Variants in NFIB observed in about 807,000 individuals in gnomAD.
The protein encoded by NFIB is nuclear factor I B, also known as nuclear factor 1 B-type.
In NFIB, 11 loss-of-function variants were observed where a neutral mutation model predicts 61.5. That is an observed-to-expected ratio of 0.18 (90% CI 0.11 to 0.30). The LOEUF (loss-of-function observed/expected upper bound fraction) is 0.30. Among genes scored for constraint, NFIB ranks in the 10% least tolerant of loss-of-function variants. The probability of loss-of-function intolerance (pLI) is 1.00; values close to 1 mark genes in which losing one functional copy is unlikely to be tolerated. For missense variants in NFIB, 471 were observed against 608.9 expected (o/e 0.77, Z 2.38); for synonymous variants, 260 against 216.5 (o/e 1.20, Z -1.76).
At chr9:14,149,295 T>C (rs73411938) in intron 5 of NFIB, among the ~76,000 whole-genome samples, 3,526 of 152,308 alleles carry the variant, frequency 0.023, 120 homozygotes, top group African/African-American at 0.079. Flanking sequence ...CTACTGAGAA[T>C]ACTTTAGAAA....
At chr9:14,421,642 T>C in the NFIB span, among the ~76,000 whole-genome samples, 3 of 152,190 alleles carry the variant, frequency 2.0e-5, no homozygotes, top group African/African-American at 7.2e-5. Flanking sequence ...TACAAACCAA[T>C]GGACAGAGGA....
intron 1 of NFIB, among the ~76,000 whole-genome samples, chr9:14,322,652 A>G (rs866590591): frequency 1.6e-4 from 24 of 151,188 alleles, no homozygotes; most frequent in South Asian, 6.3e-4. Flanking sequence ...TGGCGGCGGG[A>G]AGGAAACCGA....
the NFIB span, among the ~76,000 whole-genome samples, chr9:14,499,048 ACGTGTGTGTG>A: frequency 2.0e-5 from 3 of 151,112 alleles, no homozygotes; most frequent in African/African-American, 4.9e-5. Flanking sequence ...GCACGTGTGT[ACGTGTGTGTG>A]CGTGTGTGGG....
the NFIB span, among the ~76,000 whole-genome samples, chr9:14,480,581 C>T: frequency 1.3e-5 from 2 of 152,098 alleles, no homozygotes; most frequent in African/African-American, 4.8e-5. Flanking sequence ...GTTAATGAGC[C>T]CCACAAGTTC....
rs145610221 is a variant in NFIB, at chr9:14,190,344, T to G, written c.563-10564A>C. 3.1e-3 allele frequency among the ~76,000 whole-genome samples: 470 copies of G among 152,272 alleles called. 5 individuals are homozygous for G. The highest frequency in any genetic ancestry group is 2.9e-3 in the Non-Finnish European group (200 of 68,026). On this transcript the variant is annotated intron_variant, in intron 2 of 10. Transcript: ENST00000380953. ...AGAGTAAGATGATGCATAGCCTACT[T>G]TCTACAAAGGTAAAGTAGATTTGTA...
At position 14,289,247 on chromosome 9, in the gene NFIB, C is replaced by T. The variant is rs1307409222; in HGVS notation, c.562+17742G>A. Among the ~76,000 whole-genome samples, 11 of 150,164 alleles carry T rather than the reference C, an allele frequency of 7.3e-5. 1 individual carries two copies. The highest frequency in any genetic ancestry group is 1.6e-4 in the Non-Finnish European group (11 of 67,576). Reference sequence around the variant, plus strand: ...AAATACACATATATATATGCATACACATACACACACACACATATACATGTA... The same window carrying T: ...AAATACACATATATATATGCATACATATACACACACACACATATACATGTA... On this transcript the variant is annotated intron_variant, in intron 2 of 10. Transcript: ENST00000380953.
chr9:14,107,657 T>C (rs759121565), intron 10 of NFIB, among the ~76,000 whole-genome samples: 3 of 152,122 alleles, frequency 2.0e-5, no homozygotes, highest in Non-Finnish European at 2.9e-5. Flanking sequence ...AAATGCCCTG[T>C]CACATCAACA....
intron 2 of NFIB, among the ~76,000 whole-genome samples, chr9:14,274,866 G>T (rs568651216): frequency 6.6e-6 from 1 of 152,202 alleles, no homozygotes; most frequent in Admixed American, 6.5e-5. Flanking sequence ...AGGTGGTGGA[G>T]TTCTGTTTGC....
intron 2 of NFIB, among the ~76,000 whole-genome samples, chr9:14,235,802 G>C (rs753021582): frequency 7.2e-5 from 11 of 152,160 alleles, no homozygotes; most frequent in African/African-American, 2.7e-4. Context: ...TGGGCAGTAA[G>C]AGTTTTGTCA....
At chr9:14,204,127 C>T (rs1490912210) in intron 2 of NFIB, 3 of 429,598 alleles carry the variant, frequency 7.0e-6, no homozygotes, top group Non-Finnish European at 1.2e-5. Flanking sequence ...CTTTAACAGG[C>T]TATGTTTGTC....
At position 14,156,834 on chromosome 9, in the gene NFIB, T is replaced by C. The variant is rs115590179; in HGVS notation, c.617-941A>G. Among the ~76,000 whole-genome samples, 301 of 152,276 alleles carry C rather than the reference T, an allele frequency of 2.0e-3. 4 individuals are homozygous for C. The highest frequency in any genetic ancestry group is 6.9e-3 in the African/African-American group (287 of 41,554). ...AGAATAAGTTTGAAAATCCTCAGAA[T>C]TGAAATACATCTGAGAAACAAACAA... On this transcript the variant is annotated intron_variant, in intron 3 of 10. Transcript: ENST00000380953.
chr9:14,529,300 C>T, the NFIB span, among the ~76,000 whole-genome samples: 1 of 152,064 alleles, frequency 6.6e-6, no homozygotes, highest in Non-Finnish European at 1.5e-5. Flanking sequence ...GACAATAAGT[C>T]AGGAAGCAAT....
chr9:14,457,149 G>C, the NFIB span, among the ~76,000 whole-genome samples: 1 of 152,264 alleles, frequency 6.6e-6, no homozygotes, highest in East Asian at 1.9e-4. Context: ...GAACATACAC[G>C]TAAGTACAGC....
chr9:14,121,389 T>A (rs1344238876), intron 7 of NFIB, among the ~76,000 whole-genome samples: 1 of 152,130 alleles, frequency 6.6e-6, no homozygotes, highest in East Asian at 1.9e-4. Flanking sequence ...GAGCCAAAAA[T>A]TTTCTACCAA....
chr9:14,471,720 G>A, the NFIB span, among the ~76,000 whole-genome samples: 1 of 152,116 alleles, frequency 6.6e-6, no homozygotes, highest in Admixed American at 6.5e-5. Flanking sequence ...CCTGTCACAG[G>A]GCCTTGGAAC....
chr9:14,434,595 T>A, the NFIB span, among the ~76,000 whole-genome samples: 1 of 152,102 alleles, frequency 6.6e-6, no homozygotes, highest in East Asian at 1.9e-4. Flanking sequence ...TGAAGCTAGT[T>A]TTCTCCCCGC....
intron 4 of NFIB, 44 bp downstream of exon 4, chr9:14,155,781 A>T: frequency 8.2e-7 from 1 of 1,216,410 alleles, no homozygotes; most frequent in Non-Finnish European, 1.2e-6. Flanking sequence ...AAAGTATTTT[A>T]AATCATACTG....
intron 1 of NFIB, among the ~76,000 whole-genome samples, chr9:14,311,927 T>C (rs1039868275): frequency 2.6e-5 from 4 of 152,184 alleles, no homozygotes; most frequent in African/African-American, 9.7e-5. Context: ...CGATGGGTAA[T>C]ATTAATGGTA....
chr9:14,273,132 G>A (rs549056197), intron 2 of NFIB, among the ~76,000 whole-genome samples: 20 of 152,228 alleles, frequency 1.3e-4, no homozygotes, highest in Middle Eastern at 3.4e-3. Context: ...GCTTTTGCTC[G>A]TCTGGGAAAA....
Sources: allele counts gnomAD v4.1 joint callset (sites outside exome capture counted in the v4.1 genomes callset), GRCh38; gene constraint gnomAD v4.1.1; transcripts MANE v1.5; gene names NCBI Gene and HGNC (gene_info 2026-07-23, HGNC 2026-07-21).